Variants in RBPMS observed in about 807,000 individuals in gnomAD.
The protein encoded by RBPMS is RNA binding protein, mRNA processing factor, also known as RNA-binding protein with multiple splicing.
RBPMS carries 7 observed loss-of-function variants against 26.8 expected under a neutral mutation model. The ratio of observed to expected loss-of-function variants is 0.26; its 90% CI spans 0.15 to 0.49. The LOEUF is 0.49. RBPMS is among the 20% of genes least tolerant of loss of function. The probability of loss-of-function intolerance (pLI) is 0.98; values close to 1 mark genes in which losing one functional copy is unlikely to be tolerated. For synonymous variants in RBPMS, 96 were observed against 93.3 expected (o/e 1.03, Z -0.17); for missense variants, 186 against 250.0 (o/e 0.74, Z 1.73).
At chr8:30,473,857 C>T (rs1430436052) in intron 1 of RBPMS, among the ~76,000 whole-genome samples, 1 of 152,090 alleles carries the variant, frequency 6.6e-6, no homozygotes, top group Non-Finnish European at 1.5e-5. Context: ...AACCAGACAC[C>T]ACATGTTCTC....
chr8:30,417,619 C>T (rs1810249756), intron 1 of RBPMS, among the ~76,000 whole-genome samples: 1 of 152,184 alleles, frequency 6.6e-6, no homozygotes, highest in Admixed American at 6.6e-5. Flanking sequence ...CATTTGCTGT[C>T]CAGAAGTGTG....
Position 30,411,378 on chromosome 8 carries a change from C to T in RBPMS, c.66+26220C>T, listed in dbSNP as rs886484309. Among the ~76,000 whole-genome samples the T allele has an allele frequency of 2.6e-5, 4 of 152,006 alleles. No homozygotes were observed. The South Asian group carries it at 8.3e-4, about 32-fold the overall frequency. The stretch of plus-strand genomic sequence containing the variant: ...TTACTGTCAAAATTGAGAAATTTCC[C>T]TCTTGGCCGGGCATGGTGGCTCACG... On this transcript the variant is annotated intron_variant, in intron 1 of 8. Coordinates refer to ENST00000397323, the MANE Select transcript of RBPMS (RefSeq NM_001008710.3).
intron 4 of RBPMS, among the ~76,000 whole-genome samples, chr8:30,501,209 G>A (rs530840953): frequency 5.9e-4 from 89 of 151,892 alleles, no homozygotes; most frequent in African/African-American, 1.9e-3. Flanking sequence ...CTCAGTCATG[G>A]CATAAGAGGT....
intron 4 of RBPMS, among the ~76,000 whole-genome samples, chr8:30,491,484 GC>G (rs1585644326): frequency 1.3e-5 from 2 of 152,134 alleles, no homozygotes. Context: ...CCTGTTGGGG[GC>G]TGGGGGGCTG....
At chr8:30,467,063 G>C (rs1423130343) in intron 1 of RBPMS, among the ~76,000 whole-genome samples, 1 of 152,212 alleles carries the variant, frequency 6.6e-6, no homozygotes, top group Non-Finnish European at 1.5e-5. Context: ...TTTTCTTGAA[G>C]TCAGTGCCAA....
chr8:30,539,340 G>A (rs1825137178), intron 5 of RBPMS, among the ~76,000 whole-genome samples: 1 of 152,094 alleles, frequency 6.6e-6, no homozygotes, highest in African/African-American at 2.4e-5. Flanking sequence ...CAGCAGCAGT[G>A]GGGGCATCAC....
At chr8:30,540,580 C>G (rs1371985902) in intron 5 of RBPMS, among the ~76,000 whole-genome samples, 5 of 152,106 alleles carry the variant, frequency 3.3e-5, no homozygotes, top group Non-Finnish European at 7.4e-5. Context: ...CATGCACCGC[C>G]AGGCCTGGCT....
chr8:30,526,452 A>G (rs920239259), intron 5 of RBPMS, among the ~76,000 whole-genome samples: 1 of 152,124 alleles, frequency 6.6e-6, no homozygotes. Flanking sequence ...GATACTGACT[A>G]CATTTATGTA....
At chr8:30,510,073 C>T (rs1821426356) in intron 5 of RBPMS, among the ~76,000 whole-genome samples, 1 of 152,204 alleles carries the variant, frequency 6.6e-6, no homozygotes, top group Non-Finnish European at 1.5e-5. Context: ...GACTAAGTGG[C>T]TCAGTAGGGC....
chr8:30,452,041 A>G (rs576649350), intron 1 of RBPMS, among the ~76,000 whole-genome samples: 3 of 152,260 alleles, frequency 2.0e-5, no homozygotes, highest in African/African-American at 7.2e-5. Context: ...CTTTTCTGTC[A>G]AGTGCTTTGT....
At chr8:30,437,349 G>A (rs1032194506) in intron 1 of RBPMS, among the ~76,000 whole-genome samples, 4 of 151,984 alleles carry the variant, frequency 2.6e-5, no homozygotes, top group African/African-American at 9.7e-5. Flanking sequence ...ACTCTTTGAA[G>A]GCTTTTTTAA....
At chr8:30,413,921 T>C (rs1249105512) in intron 1 of RBPMS, among the ~76,000 whole-genome samples, 1 of 152,202 alleles carries the variant, frequency 6.6e-6, no homozygotes, top group African/African-American at 2.4e-5. Flanking sequence ...TTTGTATTTT[T>C]AGTAGAGACA....
At chr8:30,444,566 G>A (rs1418323770) in intron 1 of RBPMS, 1 of 152,172 alleles carries the variant, frequency 6.6e-6, no homozygotes, top group Non-Finnish European at 1.5e-5. Flanking sequence ...TGACTAGATT[G>A]TTATTATTTA....
At chr8:30,536,785 G>T (rs545573689) in intron 5 of RBPMS, among the ~76,000 whole-genome samples, 1 of 152,032 alleles carries the variant, frequency 6.6e-6, no homozygotes, top group African/African-American at 2.4e-5. Context: ...CCTTTGTGGC[G>T]GGCACAGTAG....
At chr8:30,555,962 C>T in intron 6 of RBPMS, 1 of 985,472 alleles carries the variant, frequency 1.0e-6, no homozygotes, top group South Asian at 4.7e-5. Flanking sequence ...CCCTGCCGCT[C>T]TGCCGGCTGT....
intron 1 of RBPMS, among the ~76,000 whole-genome samples, chr8:30,427,955 G>A (rs1319470843): frequency 6.6e-6 from 1 of 151,914 alleles, no homozygotes; most frequent in Non-Finnish European, 1.5e-5. Context: ...TTGGGAGACT[G>A]AGGTGGGAGG....
chr8:30,545,088 A>G, intron 6 of RBPMS: 3 of 1,359,918 alleles, frequency 2.2e-6, no homozygotes, highest in Non-Finnish European at 2.9e-6. Context: ...CCAAAGGGAA[A>G]GCTTCCAGGG....
Position 30,566,367 on chromosome 8 carries a change from A to AAG in RBPMS, c.*111+8_*111+9insGA, listed in dbSNP as rs1277374764. ...ACAAAACTGGAGCATGCTGGTGAGT[A>AAG]ACAGTCAGGGCTGAACAAGCCCTCA... On this transcript the variant is annotated splice_region_variant and intron_variant, in intron 8 of 8. Coordinates refer to ENST00000397323, the MANE Select transcript of RBPMS (RefSeq NM_001008710.3). 101 of 723,780 alleles carry AAG rather than the reference A, an allele frequency of 1.4e-4. No individual in the cohort carries two copies. In the South Asian group the frequency reaches 2.3e-3, roughly 16 times the overall value. 44.8% of individuals were successfully genotyped at this position (723,780 alleles called of 1,614,324 possible).
chr8:30,416,435 CATT>C (rs1217676512), intron 1 of RBPMS, among the ~76,000 whole-genome samples: 1 of 151,150 alleles, frequency 6.6e-6, no homozygotes, highest in Non-Finnish European at 1.5e-5. Flanking sequence ...GGGTTCAAGC[CATT>C]ATTATGTCTC....
Sources: gnomAD v4.1 joint callset for allele counts (sites outside exome capture counted in the v4.1 genomes callset) on GRCh38, gnomAD v4.1.1 for gene constraint, MANE v1.5 for transcripts, NCBI Gene and HGNC (gene_info 2026-07-23, HGNC 2026-07-21) for gene names.